The following RASGRF1 variants were observed in gnomAD, a reference collection of about 807,000 sequenced individuals.
RASGRF1 encodes the protein Ras protein specific guanine nucleotide releasing factor 1.
A neutral mutation model predicts 138.7 loss-of-function variants in RASGRF1; 40 were observed. The observed-to-expected ratio is 0.29, with a 90% CI of 0.22 to 0.38. The LOEUF (loss-of-function observed/expected upper bound fraction) is 0.38, where lower values mean the gene tolerates loss of function less well. RASGRF1 is among the 10% of genes least tolerant of loss of function. The pLI is 1.00. For missense variants in RASGRF1, 1,108 were observed against 1,650.4 expected (o/e 0.67, Z 5.69); for synonymous variants, 614 against 663.2 (o/e 0.93, Z 1.14).
chr15:78,989,431 G>A (rs141850378), intron 22 of RASGRF1, among the ~76,000 whole-genome samples: 4 of 152,220 alleles, frequency 2.6e-5, no homozygotes, highest in African/African-American at 7.2e-5. Flanking sequence ...CCTTAGTCTC[G>A]CCCAGCACTG....
chr15:79,013,240 G>A (rs1322025713), intron 13 of RASGRF1, among the ~76,000 whole-genome samples: 4 of 151,924 alleles, frequency 2.6e-5, no homozygotes, highest in African/African-American at 4.8e-5. Context: ...GGCTGGGGAC[G>A]AGGGTCACAC....
chr15:79,029,972 A>G (rs941565247), intron 8 of RASGRF1, among the ~76,000 whole-genome samples: 2 of 152,178 alleles, frequency 1.3e-5, no homozygotes, highest in African/African-American at 2.4e-5. Flanking sequence ...CGGAGTCCCA[A>G]ACCTTCTCCC....
intron 6 of RASGRF1, among the ~76,000 whole-genome samples, chr15:79,034,766 T>C (rs2057194520): frequency 6.6e-6 from 1 of 152,120 alleles, no homozygotes; most frequent in African/African-American, 2.4e-5. Flanking sequence ...CCAAGATCTA[T>C]GCACAGAAAA....
chr15:79,054,190 T>G (rs903811560), intron 3 of RASGRF1, among the ~76,000 whole-genome samples: 1 of 152,120 alleles, frequency 6.6e-6, no homozygotes, highest in Non-Finnish European at 1.5e-5. Flanking sequence ...GGGGAAGATC[T>G]TGGTAGGGAA....
At chr15:78,989,539 C>T (rs1410293232) in intron 22 of RASGRF1, among the ~76,000 whole-genome samples, 3 of 152,158 alleles carry the variant, frequency 2.0e-5, no homozygotes, top group African/African-American at 4.8e-5. Context: ...ATTCGCTCAG[C>T]ACTGTGGCCT....
chr15:78,971,281 C>T (rs2055754226), intron 26 of RASGRF1, among the ~76,000 whole-genome samples: 1 of 152,140 alleles, frequency 6.6e-6, no homozygotes, highest in Non-Finnish European at 1.5e-5. Context: ...TTCATCAATA[C>T]AGAGGATTGG....
In RASGRF1 at chr15:78,980,553, C is replaced by T. The variant is rs138470826; in HGVS notation, c.3494+67G>A. ...CCTCCTGCTCTGGCTGGGGGCGGCA[C>T]GTGAATGCCTCTGCAATGCAGGTCT... On this transcript the variant is annotated intron_variant, in intron 24 of 26. Transcript: ENST00000558480. 5.5e-4 allele frequency: 732 copies of T among 1,326,846 alleles called. 3 individuals are homozygous for T. In the African/African-American group the frequency reaches 8.9e-3, roughly 16 times the overall value. 82.2% of individuals were successfully genotyped at this position (1,326,846 alleles called of 1,614,324 possible).
At chr15:79,081,102 G>A (rs1159315205) in intron 1 of RASGRF1, among the ~76,000 whole-genome samples, 1 of 152,250 alleles carries the variant, frequency 6.6e-6, no homozygotes, top group African/African-American at 2.4e-5. Flanking sequence ...CTTGGAAGGT[G>A]TGGAGACAAC....
chr15:79,038,589 A>G (rs2057253960), intron 5 of RASGRF1, among the ~76,000 whole-genome samples: 1 of 152,170 alleles, frequency 6.6e-6, no homozygotes, highest in Admixed American at 6.5e-5. Flanking sequence ...TTGCCTAGTC[A>G]TGTTCATTGC....
intron 19 of RASGRF1, among the ~76,000 whole-genome samples, chr15:78,996,376 C>T (rs36073030): frequency 0.12 from 18,718 of 152,222 alleles, 1,268 homozygotes; most frequent in Admixed American, 0.15. Flanking sequence ...TGAGTACCAA[C>T]GGAGGCTGCG....
chr15:79,057,180 G>C (rs1444023180), intron 3 of RASGRF1, among the ~76,000 whole-genome samples: 3 of 152,170 alleles, frequency 2.0e-5, no homozygotes, highest in Non-Finnish European at 4.4e-5. Flanking sequence ...CTGGGGTCCA[G>C]TGTGCGCCCC....
intron 22 of RASGRF1, among the ~76,000 whole-genome samples, chr15:78,988,839 G>GGT (rs1555452316): frequency 7.9e-6 from 1 of 127,078 alleles, no homozygotes; most frequent in African/African-American, 3.0e-5. Flanking sequence ...CTGGGAGGGA[G>GGT]TTTTTTTTTT....
At chr15:79,052,733 A>G (rs1469948588) in intron 3 of RASGRF1, among the ~76,000 whole-genome samples, 1 of 152,230 alleles carries the variant, frequency 6.6e-6, no homozygotes, top group Non-Finnish European at 1.5e-5. Context: ...GGGGGAAGGA[A>G]TTCAAATAGA....
intron 11 of RASGRF1, 61 bp from the exon 12 acceptor site, chr15:79,017,967 T>C: frequency 6.3e-7 from 1 of 1,596,862 alleles, no homozygotes; most frequent in Non-Finnish European, 8.5e-7. Flanking sequence ...AGGTGGAAAA[T>C]GTTTTAGTGG....
chr15:79,041,462 G>A (rs541107845), intron 5 of RASGRF1, among the ~76,000 whole-genome samples: 2 of 152,200 alleles, frequency 1.3e-5, no homozygotes, highest in Non-Finnish European at 2.9e-5. Context: ...TGTGATGCAT[G>A]CAACAAAGAG....
At chr15:79,076,544 C>T (rs868654616) in intron 1 of RASGRF1, among the ~76,000 whole-genome samples, 6 of 152,292 alleles carry the variant, frequency 3.9e-5, no homozygotes, top group Middle Eastern at 3.4e-3. Flanking sequence ...GGCATAGTGG[C>T]ACAGAGAGAC....
chr15:78,994,460 C>T (rs981982236), intron 20 of RASGRF1, among the ~76,000 whole-genome samples: 4 of 152,232 alleles, frequency 2.6e-5, no homozygotes, highest in Non-Finnish European at 5.9e-5. Context: ...CTGAAGGTCA[C>T]TCAACCAGCA....
At chr15:79,028,610 T>C (rs573441665) in intron 8 of RASGRF1, among the ~76,000 whole-genome samples, 5 of 152,058 alleles carry the variant, frequency 3.3e-5, no homozygotes, top group Non-Finnish European at 7.4e-5. Context: ...TAGCTGCCAA[T>C]TTTGCCTTGG....
intron 20 of RASGRF1, among the ~76,000 whole-genome samples, chr15:78,994,925 C>T (rs11852975): frequency 0.97 from 142,181 of 146,184 alleles, 69,107 homozygotes; most frequent in South Asian, 0.99. Context: ...CCTTCCAGCA[C>T]CTTTTTTTTT....
Sources: allele counts gnomAD v4.1 joint callset (sites outside exome capture counted in the v4.1 genomes callset), GRCh38; gene constraint gnomAD v4.1.1; transcripts MANE v1.5; gene names NCBI Gene and HGNC (gene_info 2026-07-23, HGNC 2026-07-21).